The following RGS7 variants were observed in gnomAD, a reference collection of about 807,000 sequenced individuals.
RGS7 encodes the protein regulator of G protein signaling 7.
RGS7 carries 27 observed loss-of-function variants against 81.1 expected under a neutral mutation model. The observed-to-expected ratio is 0.33, with a 90% CI of 0.25 to 0.46. The LOEUF is 0.46. Among genes scored for constraint, RGS7 ranks in the 20% least tolerant of loss-of-function variants. The probability of loss-of-function intolerance (pLI) is 1.00; values close to 1 mark genes in which losing one functional copy is unlikely to be tolerated. For synonymous variants in RGS7, 208 were observed against 207.7 expected (o/e 1.00, Z -0.01); for missense variants, 396 against 607.4 (o/e 0.65, Z 3.66).
intron 4 of RGS7, among the ~76,000 whole-genome samples, chr1:240,951,676 G>A (rs1679588150): frequency 1.3e-5 from 2 of 152,096 alleles, no homozygotes; most frequent in South Asian, 4.1e-4. Flanking sequence ...ATCTAAAAGT[G>A]TAGCATAACA....
chr1:240,825,345 T>A (rs1253075277), intron 10 of RGS7, among the ~76,000 whole-genome samples: 2 of 152,220 alleles, frequency 1.3e-5, no homozygotes, highest in African/African-American at 4.8e-5. Context: ...TATTAGTATG[T>A]GGCTTGGAGT....
At chr1:241,210,871 A>G (rs2074204292) in intron 2 of RGS7, among the ~76,000 whole-genome samples, 1 of 152,258 alleles carries the variant, frequency 6.6e-6, no homozygotes, top group African/African-American at 2.4e-5. Flanking sequence ...AATAAACTGC[A>G]GACACTATTT....
intron 6 of RGS7, among the ~76,000 whole-genome samples, chr1:240,900,949 G>A (rs1406713973): frequency 3.3e-5 from 5 of 151,388 alleles, no homozygotes; most frequent in African/African-American, 1.2e-4. Flanking sequence ...CACCCAGTTC[G>A]AGCTTCCTGG....
At chr1:241,223,170 G>A (rs191225846) in intron 2 of RGS7, among the ~76,000 whole-genome samples, 3 of 152,268 alleles carry the variant, frequency 2.0e-5, no homozygotes, top group South Asian at 2.1e-4. Flanking sequence ...GAATGTCAAC[G>A]ATAAAGGGAA....
intron 2 of RGS7, among the ~76,000 whole-genome samples, chr1:241,291,061 A>G (rs1423630909): frequency 1.3e-5 from 2 of 152,222 alleles, no homozygotes; most frequent in African/African-American, 4.8e-5. Context: ...TGGGCAAATG[A>G]TAAGAGAAAC....
At chr1:241,011,297 G>A (rs2148662141) in intron 3 of RGS7, among the ~76,000 whole-genome samples, 1 of 151,820 alleles carries the variant, frequency 6.6e-6, no homozygotes. Context: ...GGACATACGT[G>A]CCCCTTCCTT....
chr1:241,105,398 T>C (rs958307313), intron 2 of RGS7, among the ~76,000 whole-genome samples: 1 of 152,194 alleles, frequency 6.6e-6, no homozygotes, highest in Non-Finnish European at 1.5e-5. Context: ...TTTGGAATAG[T>C]TTAGATGTCA....
At chr1:241,004,854 G>T (rs1453160520) in intron 3 of RGS7, among the ~76,000 whole-genome samples, 1 of 152,182 alleles carries the variant, frequency 6.6e-6, no homozygotes, top group African/African-American at 2.4e-5. Flanking sequence ...TGGCTTTGAG[G>T]AGAAGGGGTT....
chr1:240,874,599 T>C (rs1423623027), intron 6 of RGS7, among the ~76,000 whole-genome samples: 4 of 152,216 alleles, frequency 2.6e-5, no homozygotes, highest in African/African-American at 9.7e-5. Context: ...TTTTAAAATA[T>C]TTTAGTTGAT....
chr1:241,027,225 GA>G (rs146896003), intron 3 of RGS7, among the ~76,000 whole-genome samples: 28,427 of 143,906 alleles, frequency 0.2, 3,598 homozygotes, highest in African/African-American at 0.36. Context: ...AAGAAAAGAA[GA>G]AAAAAAAAAA....
intron 9 of RGS7, among the ~76,000 whole-genome samples, chr1:240,864,565 C>G (rs1392703841): frequency 6.6e-6 from 1 of 152,158 alleles, no homozygotes; most frequent in Non-Finnish European, 1.5e-5. Flanking sequence ...TGTTCTAAGT[C>G]TTGCGTTCCT....
chr1:241,070,496 TA>T (rs2062372562), intron 3 of RGS7, among the ~76,000 whole-genome samples: 1 of 152,308 alleles, frequency 6.6e-6, no homozygotes, highest in Admixed American at 6.5e-5. Flanking sequence ...CACCTTGACC[TA>T]AAGGCAACCT....
At chr1:241,181,878 T>C (rs2071647379) in intron 2 of RGS7, among the ~76,000 whole-genome samples, 1 of 152,136 alleles carries the variant, frequency 6.6e-6, no homozygotes, top group Admixed American at 6.5e-5. Flanking sequence ...TTTAAAATTT[T>C]TCTGTAGAGA....
chr1:240,964,175 A>G (rs1273378542), intron 4 of RGS7, among the ~76,000 whole-genome samples: 3 of 152,174 alleles, frequency 2.0e-5, no homozygotes, highest in African/African-American at 7.2e-5. Flanking sequence ...AACATTAGAG[A>G]CATTTCCTCC....
chr1:241,001,207 G>A (rs1688095653), intron 3 of RGS7, among the ~76,000 whole-genome samples: 2 of 152,086 alleles, frequency 1.3e-5, no homozygotes, highest in Non-Finnish European at 2.9e-5. Context: ...GAATAGTACA[G>A]GACCTAACAC....
At chr1:240,823,058 C>T in intron 10 of RGS7, 1 of 698,072 alleles carries the variant, frequency 1.4e-6, no homozygotes, top group East Asian at 2.6e-5. Flanking sequence ...CGTTTCTTAG[C>T]CTCCTCAATG....
intron 6 of RGS7, among the ~76,000 whole-genome samples, chr1:240,883,979 G>GGCAGGA (rs1247635530): frequency 6.6e-6 from 1 of 150,514 alleles, no homozygotes; most frequent in Non-Finnish European, 1.5e-5. Flanking sequence ...GGGAGGCTGA[G>GGCAGGA]GCAGGAGAAT....
intron 2 of RGS7, among the ~76,000 whole-genome samples, chr1:241,103,194 TACAC>T (rs1273834680): frequency 2.0e-5 from 3 of 152,296 alleles, no homozygotes; most frequent in East Asian, 1.9e-4. Flanking sequence ...TATATATACT[TACAC>T]ACACGCATAT....
rs1210454316 is a variant in RGS7 at position 240,875,946 on chromosome 1, A to G, written c.386-5827T>C. 2.0e-5 allele frequency among the ~76,000 whole-genome samples: 3 copies of G among 152,228 alleles called. No individual in the cohort carries two copies. The East Asian group carries it at 5.8e-4, about 29-fold the overall frequency. On this transcript the variant is annotated intron_variant, in intron 6 of 18. Coordinates refer to ENST00000440928, the MANE Select transcript of RGS7 (RefSeq NM_001364886.1). ...TAGCTTGCCACTCTCTAGACTTGGC[A>G]AAAGTTTAAAGCTCCTTATGATTTT...
Sources: gnomAD v4.1 joint callset for allele counts (sites outside exome capture counted in the v4.1 genomes callset) on GRCh38, gnomAD v4.1.1 for gene constraint, MANE v1.5 for transcripts, NCBI Gene and HGNC (gene_info 2026-07-23, HGNC 2026-07-21) for gene names.